The following UNC13C variants were observed in gnomAD, a reference collection of about 807,000 sequenced individuals.
UNC13C encodes the protein protein unc-13 homolog C.
Under a neutral mutation model 245.4 loss-of-function variants are expected in UNC13C, and 174 were observed. The observed-to-expected ratio is 0.71, with a 90% CI of 0.63 to 0.80. The LOEUF is 0.80. Ranked by LOEUF, UNC13C falls within the 30% of genes least tolerant of loss-of-function variation. The pLI is 0.00. For missense variants in UNC13C, 2,829 were observed against 2,602.9 expected (o/e 1.09, Z -1.89); for synonymous variants, 992 against 895.1 (o/e 1.11, Z -1.93).
chr15:53,868,568 AAG>A, the UNC13C span, among the ~76,000 whole-genome samples: 1 of 150,068 alleles, frequency 6.7e-6, no homozygotes, highest in Non-Finnish European at 1.5e-5. Context: ...CTTAATGTAT[AAG>A]ATATTCCTGC....
chr15:54,613,029 T>A (rs1900205788), intron 30 of UNC13C, among the ~76,000 whole-genome samples: 1 of 151,866 alleles, frequency 6.6e-6, no homozygotes, highest in Admixed American at 6.6e-5. Flanking sequence ...AGGAGATTAT[T>A]ATTTGTCTCT....
Position 54,626,939 on chromosome 15 carries a change from G to A in UNC13C, c.6471G>A (p.Gln2157=), listed in dbSNP as rs1367311179. The change falls in exon 33 of 33, where the codon CAG becomes CAA. Residue 2157 remains glutamine, a synonymous_variant. Coordinates refer to ENST00000260323, the MANE Select transcript of UNC13C (RefSeq NM_001080534.3). Reference sequence around the variant, plus strand: ...TCGGAATGACAGTCATTCAGCTACAGAACATAGCAGAAAAGGGAAGCTATG... The same window carrying A: ...TCGGAATGACAGTCATTCAGCTACAAAACATAGCAGAAAAGGGAAGCTATG... ...RIIGMTVIQL[Q]NIAEKGSYGA... 1.9e-6 allele frequency: 3 copies of A among 1,613,440 alleles called. No homozygotes were observed. The highest frequency in any genetic ancestry group is 1.7e-5 in the Admixed American group (1 of 59,902).
intron 8 of UNC13C, among the ~76,000 whole-genome samples, chr15:54,257,176 C>T (rs996844497): frequency 7.2e-5 from 11 of 152,158 alleles, no homozygotes; most frequent in African/African-American, 2.7e-4. Flanking sequence ...ATTTATGAAA[C>T]TAAATGTGAT....
chr15:54,441,596 C>T (rs1035512538), intron 19 of UNC13C, among the ~76,000 whole-genome samples: 2 of 152,048 alleles, frequency 1.3e-5, no homozygotes, highest in East Asian at 3.9e-4. Flanking sequence ...TGACTATAGC[C>T]TTGTAATATG....
Position 54,463,265 on chromosome 15 carries a change from CGGGGGGGGGG to C in UNC13C, c.4934-31335_4934-31326del, listed in dbSNP as rs559539986. 1.3e-3 allele frequency among the ~76,000 whole-genome samples: 33 copies of C among 26,222 alleles called. 9 individuals are homozygous for C. The highest frequency in any genetic ancestry group is 3.8e-3 in the Admixed American group (9 of 2,368). The allele number at this position is 26,222 out of a possible 152,430, so 17.2% of individuals were successfully genotyped here. On this transcript the variant is annotated intron_variant, in intron 19 of 32. Coordinates refer to ENST00000260323, the MANE Select transcript of UNC13C (RefSeq NM_001080534.3). The stretch of plus-strand genomic sequence containing the variant: ...AATGGGCCAATCAGTAGAATGTGGG[CGGGGGGGGGG>C]GGGGGGGCCGGTCAGGTAAGGGAAT...
chr15:54,494,782 C>T (rs374813958), intron 20 of UNC13C, 48 bp downstream of exon 20: 3 of 1,589,506 alleles, frequency 1.9e-6, no homozygotes, highest in Admixed American at 1.8e-5. Context: ...AATTCACATT[C>T]CTGTAAAATT....
chr15:54,043,737 G>T lies in UNC13C; in HGVS notation c.2983+27851G>T, dbSNP rs140890345. 4.6e-3 allele frequency among the ~76,000 whole-genome samples: 700 copies of T among 152,246 alleles called. 3 individuals carry two copies. The highest frequency in any genetic ancestry group is 6.9e-3 in the Non-Finnish European group (468 of 68,012). ...GGATGATGTTTTGTCCCTCAGTGGGGTGTCCTACTCTTTTCATCTATTCTG... is the reference window on the plus strand; with the variant it reads ...GGATGATGTTTTGTCCCTCAGTGGGTTGTCCTACTCTTTTCATCTATTCTG... On this transcript the variant is annotated intron_variant, in intron 2 of 32. Transcript: ENST00000260323.
rs116159628 is a variant in UNC13C at position 54,289,935 on chromosome 15, C to T, written c.3819-3960C>T. ...GAATCCAGGAGTGTGAGTTATCTAA[C>T]TTCAGTCTTCAGAAGATGAGCAATA... On this transcript the variant is annotated intron_variant, in intron 10 of 32. Coordinates refer to ENST00000260323, the MANE Select transcript of UNC13C (RefSeq NM_001080534.3). Among the ~76,000 whole-genome samples the T allele has an allele frequency of 8.6e-3, 1,315 of 152,152 alleles. 24 individuals carry two copies. Among genetic ancestry groups the T allele is most frequent in the African/African-American group, 0.031 (1,274 of 41,546 alleles).
intron 2 of UNC13C, among the ~76,000 whole-genome samples, chr15:54,033,484 G>A (rs1447597100): frequency 6.6e-6 from 1 of 152,036 alleles, no homozygotes; most frequent in African/African-American, 2.4e-5. Flanking sequence ...ATCATTGAGA[G>A]CAGCTGTTCT....
At chr15:54,449,366 G>T (rs1354021215) in intron 19 of UNC13C, among the ~76,000 whole-genome samples, 1 of 152,206 alleles carries the variant, frequency 6.6e-6, no homozygotes, top group African/African-American at 2.4e-5. Context: ...ATCCTGCACA[G>T]TGTTTTCCAA....
chr15:54,203,860 A>C (rs994726798), intron 4 of UNC13C, among the ~76,000 whole-genome samples: 5 of 95,966 alleles, frequency 5.2e-5, no homozygotes, highest in Non-Finnish European at 1.0e-4. Context: ...GTATATATAC[A>C]TATATACACA....
intron 4 of UNC13C, among the ~76,000 whole-genome samples, chr15:54,219,477 A>G (rs1166851431): frequency 6.6e-6 from 1 of 151,734 alleles, no homozygotes; most frequent in African/African-American, 2.4e-5. Context: ...TAAATGTTAG[A>G]CCTAAAACCA....
At chr15:54,575,178 G>T (rs1329596850) in intron 30 of UNC13C, among the ~76,000 whole-genome samples, 1 of 152,128 alleles carries the variant, frequency 6.6e-6, no homozygotes, top group Non-Finnish European at 1.5e-5. Context: ...TGGGATTACA[G>T]GTGCCCGCCA....
the UNC13C span, among the ~76,000 whole-genome samples, chr15:53,924,632 T>C: frequency 6.6e-6 from 1 of 152,216 alleles, no homozygotes; most frequent in African/African-American, 2.4e-5. Context: ...TAAATAATTA[T>C]GTAATTTACT....
At chr15:54,258,705 T>C (rs1447703984) in intron 8 of UNC13C, among the ~76,000 whole-genome samples, 1 of 152,128 alleles carries the variant, frequency 6.6e-6, no homozygotes, top group Non-Finnish European at 1.5e-5. Context: ...CTTCACCTTT[T>C]TGACATGCTG....
At chr15:54,457,085 GA>G (rs1297395532) in intron 19 of UNC13C, among the ~76,000 whole-genome samples, 2 of 152,182 alleles carry the variant, frequency 1.3e-5, no homozygotes, top group East Asian at 3.9e-4. Flanking sequence ...TTTTAATCAG[GA>G]AGGGATGCTG....
chr15:54,196,131 T>G (rs1026594625), intron 4 of UNC13C, among the ~76,000 whole-genome samples: 6 of 152,270 alleles, frequency 3.9e-5, no homozygotes, highest in Non-Finnish European at 7.4e-5. Flanking sequence ...TTCTCCCTAC[T>G]AAAAGTATAA....
At chr15:54,258,096 A>G (rs994352629) in intron 8 of UNC13C, among the ~76,000 whole-genome samples, 9 of 152,286 alleles carry the variant, frequency 5.9e-5, no homozygotes, top group South Asian at 2.1e-4. Flanking sequence ...AATGCTTTCA[A>G]TGGATGTTAA....
intron 10 of UNC13C, among the ~76,000 whole-genome samples, chr15:54,279,238 T>C (rs1389842879): frequency 6.6e-6 from 1 of 152,188 alleles, no homozygotes; most frequent in Non-Finnish European, 1.5e-5. Flanking sequence ...CAGAGAGGAC[T>C]GAGGAATAAC....
Sources: gnomAD v4.1 joint callset for allele counts (sites outside exome capture counted in the v4.1 genomes callset) on GRCh38, gnomAD v4.1.1 for gene constraint, MANE v1.5 for transcripts, NCBI Gene and HGNC (gene_info 2026-07-23, HGNC 2026-07-21) for gene names.